The following ZNF277 variants were observed in gnomAD, a reference collection of about 807,000 sequenced individuals.
The protein encoded by ZNF277 is nuclear receptor-interacting factor 4.
ZNF277 carries 55 observed loss-of-function variants against 60.7 expected under a neutral mutation model. The ratio of observed to expected loss-of-function variants is 0.91; its 90% confidence interval spans 0.73 to 1.13. The LOEUF (loss-of-function observed/expected upper bound fraction) is 1.13, where lower values mean the gene tolerates loss of function less well. ZNF277 is among the 50% of genes most tolerant of loss of function. ZNF277 has a pLI of 0.00. For missense variants in ZNF277, 510 were observed against 523.0 expected (o/e 0.98, Z 0.24); for synonymous variants, 178 against 179.3 (o/e 0.99, Z 0.06).
intron 2 of ZNF277, among the ~76,000 whole-genome samples, chr7:112,295,225 C>G (rs932673229): frequency 6.6e-6 from 1 of 152,164 alleles, no homozygotes; most frequent in Admixed American, 6.5e-5. Flanking sequence ...CTCCCTCTTT[C>G]ATCACATATG....
intron 1 of ZNF277, among the ~76,000 whole-genome samples, chr7:112,269,471 T>C (rs1791621787): frequency 6.6e-6 from 1 of 152,128 alleles, no homozygotes; most frequent in African/African-American, 2.4e-5. Flanking sequence ...ATTATTGTTT[T>C]GCAGGAAAAA....
intron 1 of ZNF277, among the ~76,000 whole-genome samples, chr7:112,269,210 GT>G (rs55937027): frequency 6.8e-5 from 10 of 146,320 alleles, no homozygotes; most frequent in South Asian, 2.1e-4. Context: ...GATTTTTTTT[GT>G]TTTTTTTTTG....
rs113521595 is a variant in ZNF277 at position 112,254,629 on chromosome 7, A to G, written c.92-32244A>G. On this transcript the variant is annotated intron_variant, in intron 1 of 11. Coordinates refer to ENST00000361822, the MANE Select transcript of ZNF277 (RefSeq NM_021994.3). ...AATGTCAGATTAGCTAATGAAAAGA[A>G]GTGTTTCCTAATCCTTATTTATCTG... is the stretch of plus-strand genomic sequence containing the variant. Among the ~76,000 whole-genome samples the G allele has an allele frequency of 7.8e-4, 119 of 152,342 alleles. 2 individuals are homozygous for G. Among genetic ancestry groups the G allele is most frequent in the African/African-American group, 2.8e-3 (116 of 41,586 alleles).
chr7:112,217,411 G>A (rs556293393), intron 1 of ZNF277, among the ~76,000 whole-genome samples: 1 of 152,338 alleles, frequency 6.6e-6, no homozygotes, highest in Admixed American at 6.5e-5. Context: ...AAAGAAGTCT[G>A]GAAATGTAAA....
intron 1 of ZNF277, among the ~76,000 whole-genome samples, chr7:112,231,138 C>T (rs149694639): frequency 0.018 from 2,657 of 151,274 alleles, 85 homozygotes; most frequent in African/African-American, 0.062. Context: ...CACTTGAACC[C>T]GGGAGGCGGA....
chr7:112,282,257 G>A (rs1791964241), intron 1 of ZNF277, among the ~76,000 whole-genome samples: 1 of 152,248 alleles, frequency 6.6e-6, no homozygotes, highest in African/African-American at 2.4e-5. Context: ...GGAGAGATGG[G>A]GTGGGCCAAG....
intron 1 of ZNF277, among the ~76,000 whole-genome samples, chr7:112,226,457 G>T (rs1467661350): frequency 1.3e-5 from 2 of 152,132 alleles, no homozygotes; most frequent in African/African-American, 4.8e-5. Flanking sequence ...AGCACAATAT[G>T]AGAACATTTA....
intron 1 of ZNF277, among the ~76,000 whole-genome samples, chr7:112,241,844 A>G (rs1300845112): frequency 6.6e-6 from 1 of 152,142 alleles, no homozygotes; most frequent in East Asian, 1.9e-4. Flanking sequence ...GATGGTTACC[A>G]GAGGCTGGGA....
At chr7:112,295,403 T>C (rs193227794) in intron 2 of ZNF277, among the ~76,000 whole-genome samples, 1 of 152,184 alleles carries the variant, frequency 6.6e-6, no homozygotes, top group Non-Finnish European at 1.5e-5. Flanking sequence ...TATATTGATA[T>C]TGAATTTAGA....
intron 2 of ZNF277, among the ~76,000 whole-genome samples, chr7:112,293,383 C>T (rs903654507): frequency 6.6e-6 from 1 of 151,968 alleles, no homozygotes; most frequent in Non-Finnish European, 1.5e-5. Flanking sequence ...TCAAGACTAG[C>T]CTGGGCAACA....
At chr7:112,242,934 A>T (rs1790994303) in intron 1 of ZNF277, among the ~76,000 whole-genome samples, 1 of 151,968 alleles carries the variant, frequency 6.6e-6, no homozygotes, top group Non-Finnish European at 1.5e-5. Context: ...CAAGGCTACT[A>T]AGCAGTAACC....
chr7:112,246,617 G>A (rs1791091224), intron 1 of ZNF277, among the ~76,000 whole-genome samples: 1 of 152,170 alleles, frequency 6.6e-6, no homozygotes, highest in Admixed American at 6.5e-5. Context: ...GTAAAGAAAG[G>A]CATTGCAAAT....
At chr7:112,235,277 A>T (rs1341819161) in intron 1 of ZNF277, among the ~76,000 whole-genome samples, 2 of 152,094 alleles carry the variant, frequency 1.3e-5, no homozygotes, top group African/African-American at 2.4e-5. Context: ...CTTCTCTTGG[A>T]TATATACCTA....
At chr7:112,249,731 T>A (rs1791160975) in intron 1 of ZNF277, among the ~76,000 whole-genome samples, 1 of 152,230 alleles carries the variant, frequency 6.6e-6, no homozygotes, top group Non-Finnish European at 1.5e-5. Flanking sequence ...TTCTTATGCC[T>A]GTCTTTACTG....
At chr7:112,306,194 C>G (rs1584396059) in intron 4 of ZNF277, among the ~76,000 whole-genome samples, 1 of 148,880 alleles carries the variant, frequency 6.7e-6, no homozygotes, top group South Asian at 2.1e-4. Flanking sequence ...TTTCTCTCCT[C>G]TGAGATTTCT....
At chr7:112,214,671 T>A (rs2116951321) in intron 1 of ZNF277, among the ~76,000 whole-genome samples, 1 of 152,332 alleles carries the variant, frequency 6.6e-6, no homozygotes, top group Middle Eastern at 3.4e-3. Context: ...CTAAACAGGA[T>A]TTAAACCTTT....
chr7:112,295,971 T>C lies in ZNF277; in HGVS notation c.382+14T>C, dbSNP rs2117075964. The C allele has an allele frequency of 6.4e-7, 1 of 1,567,908 alleles. No individual in the cohort carries two copies. The highest frequency in any genetic ancestry group is 1.1e-5 in the South Asian group (1 of 90,028). On this transcript the variant is annotated intron_variant, in intron 3 of 11. Transcript: ENST00000361822. Reference sequence around the variant, plus strand: ...CTGCTCCATTTGGTAAGTGTACATCTTGGCTACCATCTTTTCCCTACAGTA... The same window carrying C: ...CTGCTCCATTTGGTAAGTGTACATCCTGGCTACCATCTTTTCCCTACAGTA...
rs1447196455 is a variant in ZNF277, at chr7:112,336,200, T to G, written c.869+29T>G. The G allele has an allele frequency of 2.5e-6, 4 of 1,584,962 alleles. No homozygotes were observed. The Admixed American group carries it at 6.9e-5, about 27-fold the overall frequency. The stretch of plus-strand genomic sequence containing the variant: ...AGAGTTGTTATTGCTGCTAATTAAT[T>G]GCAGTGTTCCAAGAGTAAGAAGACA... On this transcript the variant is annotated intron_variant, in intron 8 of 11. Coordinates refer to ENST00000361822, the MANE Select transcript of ZNF277 (RefSeq NM_021994.3).
intron 2 of ZNF277, among the ~76,000 whole-genome samples, chr7:112,290,601 C>G (rs1792185857): frequency 6.6e-6 from 1 of 152,088 alleles, no homozygotes; most frequent in African/African-American, 2.4e-5. Context: ...TGTCAACTGT[C>G]CTTCTAATTA....
Sources: gnomAD v4.1 joint callset for allele counts (sites outside exome capture counted in the v4.1 genomes callset) on GRCh38, gnomAD v4.1.1 for gene constraint, MANE v1.5 for transcripts, NCBI Gene and HGNC (gene_info 2026-07-23, HGNC 2026-07-21) for gene names.